The following AKNAD1 variants were observed in gnomAD, a reference collection of about 807,000 sequenced individuals.
AKNAD1 encodes AKNA domain containing 1.
AKNAD1 carries 67 observed loss-of-function variants against 90.8 expected under a neutral mutation model. That is an observed-to-expected ratio of 0.74 (90% CI 0.61 to 0.90). The LOEUF (loss-of-function observed/expected upper bound fraction) is 0.90. Ranked by LOEUF, AKNAD1 falls within the 40% of genes least tolerant of loss-of-function variation. AKNAD1 has a pLI of 0.00. For synonymous variants in AKNAD1, 327 were observed against 341.4 expected (o/e 0.96, Z 0.46); for missense variants, 957 against 975.4 (o/e 0.98, Z 0.25).
chr1:108,843,886 C>T (rs946122709), intron 5 of AKNAD1, among the ~76,000 whole-genome samples: 5 of 152,092 alleles, frequency 3.3e-5, no homozygotes, highest in African/African-American at 9.7e-5. Flanking sequence ...TTAAACTGTG[C>T]GGGTTAGGGG....
intron 9 of AKNAD1, among the ~76,000 whole-genome samples, chr1:108,831,253 A>T (rs557350006): frequency 1.1e-3 from 169 of 152,328 alleles, no homozygotes; most frequent in African/African-American, 3.6e-3. Flanking sequence ...TTTTTGACTA[A>T]GGTCTTACCC....
At chr1:108,851,497 C>G (rs1055475103) in intron 2 of AKNAD1, among the ~76,000 whole-genome samples, 175 bp downstream of exon 2, 1 of 152,164 alleles carries the variant, frequency 6.6e-6, no homozygotes, top group Non-Finnish European at 1.5e-5. Context: ...GCCTGTGATG[C>G]TTCTCGTGAG....
chr1:108,858,091 A>G (rs558878285), upstream of AKNAD1: 3 of 152,810 alleles, frequency 2.0e-5, no homozygotes, highest in South Asian at 6.2e-4. Flanking sequence ...TCACAGGTGA[A>G]CAAGTTGAAG....
At chr1:108,827,155 TG>T in intron 11 of AKNAD1, 49 bp downstream of exon 11, 1 of 1,404,954 alleles carries the variant, frequency 7.1e-7, no homozygotes, top group Non-Finnish European at 1.0e-6. Flanking sequence ...GCAGACCCCA[TG>T]GGGAGGGACA....
intron 7 of AKNAD1, chr1:108,837,297 C>T (rs537712771): frequency 3.9e-5 from 14 of 362,400 alleles, no homozygotes; most frequent in Admixed American, 2.1e-4. Flanking sequence ...AATAGCTCTT[C>T]GGTGGTTTAA....
At chr1:108,834,222 G>A (rs566440273) in intron 9 of AKNAD1, among the ~76,000 whole-genome samples, 2 of 152,226 alleles carry the variant, frequency 1.3e-5, no homozygotes, top group Non-Finnish European at 2.9e-5. Flanking sequence ...CGGAGAAGTT[G>A]GAGAAGCTCC....
chr1:108,855,415 A>G (rs1214486513), intron 1 of AKNAD1, among the ~76,000 whole-genome samples: 1 of 151,988 alleles, frequency 6.6e-6, no homozygotes, highest in African/African-American at 2.4e-5. Context: ...CCGTCTCAAA[A>G]CAAAAAAGAC....
At chr1:108,848,873 G>T in intron 4 of AKNAD1, 39 bp downstream of exon 4, 1 of 1,599,556 alleles carries the variant, frequency 6.3e-7, no homozygotes, top group Non-Finnish European at 8.5e-7. Flanking sequence ...TGTGAATTTG[G>T]TTACTTATAT....
intron 14 of AKNAD1, among the ~76,000 whole-genome samples, chr1:108,818,994 C>G (rs896679144): frequency 6.7e-6 from 1 of 149,458 alleles, no homozygotes; most frequent in Admixed American, 6.7e-5. Flanking sequence ...AAGAAGTCTC[C>G]AAAGGTCACG....
rs1399357055 is a variant in AKNAD1, at chr1:108,852,112, C to G, written c.553G>C (p.Gly185Arg). The G allele has an allele frequency of 6.2e-7, 1 of 1,614,016 alleles. No homozygotes were observed. The highest frequency in any genetic ancestry group is 8.5e-7 in the Non-Finnish European group (1 of 1,180,038). ...TTTTCCTCTGTCGTGGTGGCAGAAC[C>G]AGGCTTATTGCTGTTTTCACCATCC... ...KRDGENSNKP[G>R]SATTTEENTS... Residue 185 changes from glycine to arginine, a missense_variant, in exon 2 of 16, where the codon GGT becomes CGT. Gly to Arg is a moderately radical substitution (Grantham distance 125). Coordinates refer to ENST00000370001, the MANE Select transcript of AKNAD1 (RefSeq NM_152763.5).
chr1:108,822,376 T>A (rs904626910), intron 13 of AKNAD1, among the ~76,000 whole-genome samples: 1 of 152,150 alleles, frequency 6.6e-6, no homozygotes, highest in Non-Finnish European at 1.5e-5. Context: ...TGTGGATGAA[T>A]CCATTGCAGC....
intron 6 of AKNAD1, among the ~76,000 whole-genome samples, chr1:108,842,068 C>G (rs1268321188): frequency 6.6e-6 from 1 of 152,068 alleles, no homozygotes; most frequent in Non-Finnish European, 1.5e-5. Flanking sequence ...TTTTAAATAG[C>G]AGAAGCATGC....
intron 6 of AKNAD1, among the ~76,000 whole-genome samples, chr1:108,841,049 T>C (rs1664535696): frequency 1.3e-5 from 2 of 152,128 alleles, no homozygotes; most frequent in South Asian, 4.1e-4. Context: ...GGCATGCACC[T>C]TTAATCCCAG....
At chr1:108,823,308 T>C (rs1479235338) in intron 13 of AKNAD1, 62 bp downstream of exon 13, 2 of 1,294,482 alleles carry the variant, frequency 1.5e-6, no homozygotes, top group South Asian at 2.4e-5. Flanking sequence ...GTCATGTGAA[T>C]GTCCCATACC....
At chr1:108,855,272 G>A (rs879928289) in intron 1 of AKNAD1, among the ~76,000 whole-genome samples, 14 of 152,046 alleles carry the variant, frequency 9.2e-5, no homozygotes, top group Non-Finnish European at 2.1e-4. Flanking sequence ...AATTAGCTGG[G>A]CGTGGTGGCG....
chr1:108,856,633 G>A (rs1665049327), intron 1 of AKNAD1, among the ~76,000 whole-genome samples: 1 of 152,050 alleles, frequency 6.6e-6, no homozygotes, highest in Non-Finnish European at 1.5e-5. Flanking sequence ...TTGAGCCCAG[G>A]AGGTCAAGGC....
intron 7 of AKNAD1, among the ~76,000 whole-genome samples, 162 bp from the exon 8 acceptor site, chr1:108,835,218 A>G (rs1003002288): frequency 6.6e-6 from 1 of 151,710 alleles, no homozygotes; most frequent in Admixed American, 6.6e-5. Flanking sequence ...CTGTCTTCTC[A>G]TCCTCCAAGA....
At chr1:108,831,751 C>G (rs1664205307) in intron 9 of AKNAD1, among the ~76,000 whole-genome samples, 1 of 151,852 alleles carries the variant, frequency 6.6e-6, no homozygotes, top group African/African-American at 2.4e-5. Context: ...CTCAGCCCCC[C>G]AAGTAGCTGG....
chr1:108,827,261 C>T lies in AKNAD1; in HGVS notation c.1880G>A (p.Cys627Tyr), dbSNP rs750595892. The change falls in exon 11 of 16, where the codon TGT becomes TAT. Residue 627 changes from cysteine (C) to tyrosine (Y), a missense_variant. Transcript: ENST00000370001. ...ATGAAGGACAATTGAAAATCTTCCA[C>T]AGTTGATCCTTCCGTGGCCCTTTTT... ...VEKKGHGRIN[C>Y]GRFSIVLHEK... is the part of the protein sequence containing the mutation. 5 of 1,611,778 alleles carry T rather than the reference C, an allele frequency of 3.1e-6. No homozygotes were observed. The highest frequency in any genetic ancestry group is 1.7e-4 in the Middle Eastern group (1 of 6,022).
Sources: allele counts gnomAD v4.1 joint callset (sites outside exome capture counted in the v4.1 genomes callset), GRCh38; gene constraint gnomAD v4.1.1; transcripts MANE v1.5; gene names NCBI Gene and HGNC (gene_info 2026-07-23, HGNC 2026-07-21).